KY: variants seen among roughly 807,000 people sequenced by gnomAD.
KY encodes the protein kyphoscoliosis peptidase.
Under a neutral mutation model 76.1 loss-of-function variants are expected in KY, and 43 were observed. The observed-to-expected ratio is 0.57, with a 90% CI of 0.44 to 0.73. The LOEUF is 0.73. KY is among the 30% of genes least tolerant of loss of function. The pLI is 0.00. For missense variants in KY, 722 were observed against 828.9 expected (o/e 0.87, Z 1.58); for synonymous variants, 277 against 326.2 (o/e 0.85, Z 1.63).
chr3:134,611,773 A>T (rs1401614931), intron 8 of KY, among the ~76,000 whole-genome samples: 1 of 152,226 alleles, frequency 6.6e-6, no homozygotes, highest in African/African-American at 2.4e-5. Flanking sequence ...GCCCTTCCAC[A>T]GACCAGGGCT....
chr3:134,620,779 C>T lies in KY; in HGVS notation c.562G>A (p.Ala188Thr), dbSNP rs754383672. ...TGATGGCAGATCCAGATCCAGATGG[C>T]GCGGACCCTTTCCAGGTCAGTGTGG... ...EAHTDLERVR[A>T]IWIWICHHIE... is the part of the protein sequence containing the mutation. The change falls in exon 7 of 11, where the codon GCC (alanine) becomes ACC (threonine). Residue 188 changes from alanine to threonine, a missense_variant. By Grantham distance (58) the Ala-to-Thr change is moderately conservative. Coordinates refer to ENST00000423778, the MANE Select transcript of KY (RefSeq NM_178554.6). 1.3e-5 allele frequency: 21 copies of T among 1,613,494 alleles called. No homozygotes were observed. The highest frequency in any genetic ancestry group is 2.2e-5 in the East Asian group (1 of 44,888).
intron 3 of KY, among the ~76,000 whole-genome samples, chr3:134,643,013 T>C (rs148944161): frequency 1.8e-4 from 27 of 152,304 alleles, no homozygotes; most frequent in African/African-American, 6.5e-4. Flanking sequence ...ATAGTTAGCA[T>C]TCAACAAATG....
rs1962442454 is a variant in KY at position 134,620,640 on chromosome 3, C to G, written c.592+109G>C. On this transcript the variant is annotated intron_variant, in intron 7 of 10. Transcript: ENST00000423778. ...CAGTCCAGTCTTCTGGGTCCCTGTCCCCCACCTTTCATGTCACTCTGCACA... is the reference window on the plus strand; with the variant it reads ...CAGTCCAGTCTTCTGGGTCCCTGTCGCCCACCTTTCATGTCACTCTGCACA... The G allele has an allele frequency of 4.0e-6, 3 of 753,734 alleles. No homozygotes were observed. The South Asian group carries it at 5.0e-5, about 12-fold the overall frequency. 46.7% of individuals were successfully genotyped at this position (753,734 alleles called of 1,614,324 possible).
chr3:134,633,439 G>A (rs374093670), intron 3 of KY, among the ~76,000 whole-genome samples: 199 of 152,154 alleles, frequency 1.3e-3, no homozygotes, highest in South Asian at 6.0e-3. Flanking sequence ...ATGCAAAGCT[G>A]GTTAAATATT....
chr3:134,610,089 C>T, intron 9 of KY, 106 bp downstream of exon 9: 2 of 1,262,384 alleles, frequency 1.6e-6, no homozygotes, highest in South Asian at 1.4e-5. Context: ...CCTCCTGGCT[C>T]TCCTTCCCCT....
rs571591392 is a variant in KY at position 134,602,462 on chromosome 3, C to T, written c.*1117G>A. ...AGGAGACGGGATAGGATGTTTTCTC[C>T]GAGACAGGCACAAAAGCTGCTCTCG... On this transcript the variant is annotated 3_prime_UTR_variant, in exon 11 of 11. Transcript: ENST00000423778. Among the ~76,000 whole-genome samples, 7 of 152,272 alleles carry T rather than the reference C, an allele frequency of 4.6e-5. No individual in the cohort carries two copies. The South Asian group carries it at 8.3e-4, about 18-fold the overall frequency.
intron 10 of KY, chr3:134,608,293 A>T: frequency 1.6e-6 from 2 of 1,220,952 alleles, no homozygotes; most frequent in Non-Finnish European, 2.1e-6. Flanking sequence ...ACTGAGAGAG[A>T]CTCACCCAGC....
intron 2 of KY, 80 bp from the exon 3 acceptor site, chr3:134,643,458 C>T (rs944686252): frequency 3.6e-5 from 46 of 1,279,240 alleles, no homozygotes; most frequent in Admixed American, 1.1e-4. Flanking sequence ...TATGTGTTTG[C>T]GGGAAAGGTG....
Position 134,602,749 on chromosome 3 carries a change from C to T in KY, c.*830G>A, listed in dbSNP as rs1176211651. On this transcript the variant is annotated 3_prime_UTR_variant, in exon 11 of 11. Transcript: ENST00000423778. ...GCACTCCAGGCCTTAGACTGAACTA[C>T]CTGCCCTGTGTACTCCTCTCAGAGC... 6.6e-6 allele frequency among the ~76,000 whole-genome samples: 1 copy of T among 152,164 alleles called. No homozygotes were observed. The highest frequency in any genetic ancestry group is 1.5e-5 in the Non-Finnish European group (1 of 68,018).
At chr3:134,633,737 C>CT (rs1288657235) in intron 3 of KY, among the ~76,000 whole-genome samples, 8 of 152,196 alleles carry the variant, frequency 5.3e-5, no homozygotes, top group African/African-American at 1.7e-4. Flanking sequence ...TAATATTGTA[C>CT]TGGAAGTCCC....
At chr3:134,623,916 T>C (rs9809344) in intron 6 of KY, among the ~76,000 whole-genome samples, 92,885 of 151,908 alleles carry the variant, frequency 0.61, 29,044 homozygotes, top group East Asian at 0.87. Flanking sequence ...CCTCCACCCC[T>C]GCAATATGAT....
chr3:134,650,685 G>A (rs750295551), intron 1 of KY, 140 bp downstream of exon 1: 1 of 776,450 alleles, frequency 1.3e-6, no homozygotes, highest in Non-Finnish European at 2.0e-6. Context: ...CTGCGGGGAA[G>A]CGACGGCAGC....
intron 5 of KY, 72 bp from the exon 6 acceptor site, chr3:134,625,207 T>A: frequency 8.3e-7 from 1 of 1,203,170 alleles, no homozygotes; most frequent in Non-Finnish European, 1.2e-6. Context: ...GGCCTTGCTG[T>A]CTCTTTGAGG....
intron 10 of KY, chr3:134,607,068 A>G (rs1577583983): frequency 1.0e-6 from 1 of 985,310 alleles, no homozygotes; most frequent in Non-Finnish European, 1.2e-6. Flanking sequence ...TTATATTTTT[A>G]TGTCTCTTAA....
At chr3:134,641,550 C>A (rs1412738337) in intron 3 of KY, among the ~76,000 whole-genome samples, 2 of 152,126 alleles carry the variant, frequency 1.3e-5, no homozygotes, top group African/African-American at 4.8e-5. Flanking sequence ...ACCCCTAGAG[C>A]CTCTAAAAAA....
chr3:134,647,340 G>A (rs925345272), intron 2 of KY, 95 bp downstream of exon 2: 1 of 993,706 alleles, frequency 1.0e-6, no homozygotes, highest in African/African-American at 1.6e-5. Context: ...GTGGTTAGAT[G>A]TCTAGGGCTA....
At chr3:134,623,357 G>A (rs1962952379) in intron 6 of KY, among the ~76,000 whole-genome samples, 2 of 152,142 alleles carry the variant, frequency 1.3e-5, no homozygotes, top group African/African-American at 4.8e-5. Flanking sequence ...CACAGGTAAT[G>A]GCCTGGCCTC....
Position 134,615,967 on chromosome 3 carries a change from C to T in KY, c.710+3181G>A, listed in dbSNP as rs1343996181. On this transcript the variant is annotated intron_variant, in intron 8 of 10. Coordinates refer to ENST00000423778, the MANE Select transcript of KY (RefSeq NM_178554.6). Reference sequence around the variant, plus strand: ...CTCCCTCAGTGTCAGGGCTCAAACTCGTAATAAGTGCCTGGCTTTATCCAA... The same window carrying T: ...CTCCCTCAGTGTCAGGGCTCAAACTTGTAATAAGTGCCTGGCTTTATCCAA... Among the ~76,000 whole-genome samples, 3 of 152,314 alleles carry T rather than the reference C, an allele frequency of 2.0e-5. No homozygotes were observed. In the East Asian group the frequency reaches 5.8e-4, roughly 29 times the overall value.
At chr3:134,619,025 G>C (rs1962100531) in intron 8 of KY, 123 bp downstream of exon 8, 2 of 754,842 alleles carry the variant, frequency 2.6e-6, no homozygotes, top group African/African-American at 1.7e-5. Flanking sequence ...ACTCACTTGG[G>C]TTCCAGAGCA....
Sources: allele counts gnomAD v4.1 joint callset (sites outside exome capture counted in the v4.1 genomes callset), GRCh38; gene constraint gnomAD v4.1.1; transcripts MANE v1.5; gene names NCBI Gene and HGNC (gene_info 2026-07-23, HGNC 2026-07-21).